TMEM131L: variants seen among roughly 807,000 people sequenced by gnomAD.
TMEM131L encodes transmembrane protein 131-like.
Under a neutral mutation model 192.2 loss-of-function variants are expected in TMEM131L, and 54 were observed. The ratio of observed to expected loss-of-function variants is 0.28; its 90% CI spans 0.23 to 0.35. The LOEUF (loss-of-function observed/expected upper bound fraction) is 0.35, where lower values mean the gene tolerates loss of function less well. TMEM131L is among the 10% of genes least tolerant of loss of function. The pLI is 1.00. For missense variants in TMEM131L, 1,888 were observed against 1,972.9 expected (o/e 0.96, Z 0.82); for synonymous variants, 701 against 704.9 (o/e 0.99, Z 0.09).
In TMEM131L at chr4:153,490,808, G is replaced by A. The variant is rs146774030; in HGVS notation, c.239+16920G>A. On this transcript the variant is annotated intron_variant, in intron 3 of 34. Transcript: ENST00000409959. Reference sequence around the variant, plus strand: ...ATCTCTACTAAAAATAAAAATATTAGCCAGGTCTGGTGACATGGGCCTGTA... The same window carrying A: ...ATCTCTACTAAAAATAAAAATATTAACCAGGTCTGGTGACATGGGCCTGTA... 4.9e-3 allele frequency among the ~76,000 whole-genome samples: 741 copies of A among 152,000 alleles called. 10 individuals carry two copies. The highest frequency in any genetic ancestry group is 0.017 in the African/African-American group (685 of 41,486).
chr4:153,523,382 AG>A (rs772539073), intron 3 of TMEM131L, among the ~76,000 whole-genome samples: 3 of 152,226 alleles, frequency 2.0e-5, no homozygotes, highest in Non-Finnish European at 4.4e-5. Context: ...TTAAGCTAGC[AG>A]AGGGGACTAG....
At chr4:153,539,617 T>C (rs1350432258) in intron 3 of TMEM131L, among the ~76,000 whole-genome samples, 1 of 151,596 alleles carries the variant, frequency 6.6e-6, no homozygotes, top group Non-Finnish European at 1.5e-5. Context: ...ATATACATGT[T>C]AGTATTGTGC....
chr4:153,505,548 A>T (rs1485102519), intron 3 of TMEM131L, among the ~76,000 whole-genome samples: 2 of 152,154 alleles, frequency 1.3e-5, no homozygotes, highest in Non-Finnish European at 2.9e-5. Flanking sequence ...GGACTTGCAG[A>T]TAGGAATTTT....
At chr4:153,510,970 T>G (rs1734314171) in intron 3 of TMEM131L, among the ~76,000 whole-genome samples, 1 of 152,112 alleles carries the variant, frequency 6.6e-6, no homozygotes, top group African/African-American at 2.4e-5. Flanking sequence ...AGTAAGCCCA[T>G]GGATACATAT....
At chr4:153,608,469 A>G (rs1480042932) in intron 25 of TMEM131L, among the ~76,000 whole-genome samples, 2 of 152,220 alleles carry the variant, frequency 1.3e-5, no homozygotes, top group Non-Finnish European at 2.9e-5. Context: ...AATGTAGATT[A>G]GAGTTATGGC....
rs775404264 is a variant in TMEM131L at position 153,598,726 on chromosome 4, C to T, written c.2260C>T (p.Arg754Cys). The change falls in exon 21 of 35, where the codon CGT becomes TGT. Residue 754 changes from arginine (R) to cysteine (C), a missense_variant. By Grantham distance (180) the Arg-to-Cys change is radical. Transcript: ENST00000409959. ...KVPESTLMDCRRQLKDSKQIL... is the reference protein window; with the variant it reads ...KVPESTLMDCCRQLKDSKQIL... ...GCCCGAGTCCACGCTGATGGACTGC[C>T]GTAGACGTGAGTTCATATGTGTGGC... 1.2e-5 allele frequency: 20 copies of T among 1,612,466 alleles called. No individual in the cohort carries two copies. Among genetic ancestry groups the T allele is most frequent in the Admixed American group, 5.0e-5 (3 of 59,906 alleles).
chr4:153,594,276 G>A (rs1731275996), intron 19 of TMEM131L, among the ~76,000 whole-genome samples: 1 of 152,072 alleles, frequency 6.6e-6, no homozygotes, highest in Non-Finnish European at 1.5e-5. Flanking sequence ...CCTGTTTTTA[G>A]CAAGTCACCC....
chr4:153,635,778 A>T (rs1239025207), intron 34 of TMEM131L, among the ~76,000 whole-genome samples: 1 of 152,228 alleles, frequency 6.6e-6, no homozygotes, highest in Non-Finnish European at 1.5e-5. Context: ...TCTTGCAGAC[A>T]TTGACATTCT....
intron 3 of TMEM131L, among the ~76,000 whole-genome samples, chr4:153,538,928 G>A (rs567416364): frequency 3.4e-4 from 51 of 152,196 alleles, no homozygotes; most frequent in African/African-American, 1.0e-3. Flanking sequence ...GCGATACTTC[G>A]GCTTTCACCC....
intron 7 of TMEM131L, among the ~76,000 whole-genome samples, chr4:153,561,235 C>T (rs973600003): frequency 1.3e-5 from 2 of 152,010 alleles, no homozygotes; most frequent in Non-Finnish European, 2.9e-5. Flanking sequence ...TTGTGTTTGT[C>T]TTTTTATTGT....
intron 19 of TMEM131L, 40 bp from the exon 20 acceptor site, chr4:153,596,218 T>C (rs540411938): frequency 5.0e-6 from 8 of 1,609,250 alleles, no homozygotes; most frequent in Non-Finnish European, 6.8e-6. Context: ...GGAAGCTTGC[T>C]TTCTAGGAGT....
chr4:153,550,426 A>G (rs1580193396), intron 4 of TMEM131L, among the ~76,000 whole-genome samples: 1 of 151,978 alleles, frequency 6.6e-6, no homozygotes, highest in East Asian at 1.9e-4. Flanking sequence ...TCCCGGGTTT[A>G]CGCCATTCTC....
chr4:153,634,970 A>G (rs763151471), intron 33 of TMEM131L, among the ~76,000 whole-genome samples: 2 of 152,092 alleles, frequency 1.3e-5, no homozygotes, highest in Non-Finnish European at 2.9e-5. Flanking sequence ...GAATGTTATG[A>G]TTGTGAGGGT....
intron 3 of TMEM131L, among the ~76,000 whole-genome samples, chr4:153,541,140 A>G (rs1382315320): frequency 3.3e-5 from 5 of 152,224 alleles, no homozygotes; most frequent in Non-Finnish European, 2.9e-5. Flanking sequence ...CCATGAAAGT[A>G]AGGAGAAAGT....
intron 25 of TMEM131L, 68 bp downstream of exon 25, chr4:153,604,498 C>G: frequency 7.0e-7 from 1 of 1,424,062 alleles, no homozygotes; most frequent in South Asian, 1.4e-5. Context: ...TGGAATTGTT[C>G]TCACCTGTGA....
At chr4:153,563,593 G>A (rs1041027905) in intron 7 of TMEM131L, among the ~76,000 whole-genome samples, 2 of 145,532 alleles carry the variant, frequency 1.4e-5, no homozygotes, top group Admixed American at 7.1e-5. Flanking sequence ...TCAGCCTCCC[G>A]AGTAGGTGAG....
At position 153,603,470 on chromosome 4, in the gene TMEM131L, G is replaced by A. The variant is rs771268038; in HGVS notation, c.2789+18G>A. ...TCTTACAAGTAAGAATTCTTATAGT[G>A]TGGTTGGGAGCGGGGGCGGTTTCTC... On this transcript the variant is annotated intron_variant, in intron 24 of 34. Transcript: ENST00000409959. 1.2e-6 allele frequency: 2 copies of A among 1,603,252 alleles called. No homozygotes were observed. The highest frequency in any genetic ancestry group is 1.3e-5 in the African/African-American group (1 of 74,426).
At position 153,524,131 on chromosome 4, in the gene TMEM131L, GTTTT is replaced by G. The variant is rs57178282; in HGVS notation, c.240-25925_240-25922del. 2.4e-4 allele frequency among the ~76,000 whole-genome samples: 30 copies of G among 122,716 alleles called. 1 individual carries two copies. Among genetic ancestry groups the G allele is most frequent in the African/African-American group, 8.8e-4 (29 of 32,822 alleles). The allele number at this position is 122,716 out of a possible 152,430, so 80.5% of individuals were successfully genotyped here. Reference sequence around the variant, plus strand: ...TCTGTCTTTCCCATGTTTCACTTCTGTTTTTTTTTTTTTTTTTTTTCCTGTCTTA... The same window carrying G: ...TCTGTCTTTCCCATGTTTCACTTCTGTTTTTTTTTTTTTTTTCCTGTCTTA... On this transcript the variant is annotated intron_variant, in intron 3 of 34. Coordinates refer to ENST00000409959, the MANE Select transcript of TMEM131L (RefSeq NM_001131007.2).
At chr4:153,530,650 G>A (rs1485181465) in intron 3 of TMEM131L, among the ~76,000 whole-genome samples, 1 of 152,174 alleles carries the variant, frequency 6.6e-6, no homozygotes, top group African/African-American at 2.4e-5. Context: ...ACTCATGCAA[G>A]TTCGACCTCT....
Sources: gnomAD v4.1 joint callset for allele counts (sites outside exome capture counted in the v4.1 genomes callset) on GRCh38, gnomAD v4.1.1 for gene constraint, MANE v1.5 for transcripts, NCBI Gene and HGNC (gene_info 2026-07-23, HGNC 2026-07-21) for gene names.